Variants in KIAA1958 observed in about 807,000 individuals in gnomAD.
KIAA1958 encodes KIAA1958, also known as uncharacterized protein KIAA1958.
Under a neutral mutation model 47.2 loss-of-function variants are expected in KIAA1958, and 14 were observed. That is an observed-to-expected ratio of 0.30 (90% confidence interval 0.20 to 0.46). The LOEUF (loss-of-function observed/expected upper bound fraction) is 0.46, where lower values mean the gene tolerates loss of function less well. Ranked by LOEUF, KIAA1958 falls within the 20% of genes least tolerant of loss-of-function variation. The pLI, the probability that KIAA1958 is intolerant of heterozygous loss-of-function variation, is 1.00. For synonymous variants in KIAA1958, 354 were observed against 353.3 expected, an observed-to-expected ratio of 1.00 and a Z score of -0.02; for missense variants, 803 against 909.2, an observed-to-expected ratio of 0.88 and a Z score of 1.50.
At chr9:112,600,290 A>G (rs1430838909) in intron 2 of KIAA1958, among the ~76,000 whole-genome samples, 2 of 152,056 alleles carry the variant, frequency 1.3e-5, no homozygotes, top group Non-Finnish European at 2.9e-5. Flanking sequence ...CTAATGTTGC[A>G]TCTCCTCCAC....
intron 2 of KIAA1958, among the ~76,000 whole-genome samples, chr9:112,585,718 C>T (rs1835812803): frequency 6.6e-6 from 1 of 152,142 alleles, no homozygotes; most frequent in Admixed American, 6.5e-5. Context: ...AGTTAAAATA[C>T]AGAACTTGGT....
At chr9:112,544,572 AG>A (rs1312246626) in intron 1 of KIAA1958, among the ~76,000 whole-genome samples, 1 of 152,172 alleles carries the variant, frequency 6.6e-6, no homozygotes, top group Non-Finnish European at 1.5e-5. Context: ...GTGACTATTT[AG>A]GGGGCAGCCC....
intron 2 of KIAA1958, among the ~76,000 whole-genome samples, chr9:112,577,246 T>C (rs1835661635): frequency 6.6e-6 from 1 of 152,160 alleles, no homozygotes. Context: ...TATGAGATCC[T>C]TATCAGGTAT....
chr9:112,654,932 G>A (rs1367209170), intron 3 of KIAA1958, among the ~76,000 whole-genome samples: 1 of 152,134 alleles, frequency 6.6e-6, no homozygotes, highest in African/African-American at 2.4e-5. Flanking sequence ...GCATATGGAT[G>A]TGTGTGTATA....
Position 112,612,334 on chromosome 9 carries a change from G to A in KIAA1958, c.1172-33316G>A, listed in dbSNP as rs1052367139. Reference sequence around the variant, plus strand: ...TACGTTGGAGGATTGCTTGAACCCAGGAGGACAAGGCTGCAGTGAGCTGTG... The same window carrying A: ...TACGTTGGAGGATTGCTTGAACCCAAGAGGACAAGGCTGCAGTGAGCTGTG... On this transcript the variant is annotated intron_variant, in intron 2 of 3. Coordinates refer to ENST00000337530, the MANE Select transcript of KIAA1958 (RefSeq NM_133465.4). Among the ~76,000 whole-genome samples, 5 of 152,264 alleles carry A rather than the reference G, an allele frequency of 3.3e-5. No individual in the cohort carries two copies. In the East Asian group the frequency reaches 9.7e-4, roughly 29 times the overall value.
At chr9:112,596,353 TC>T (rs1301300186) in intron 2 of KIAA1958, among the ~76,000 whole-genome samples, 2 of 152,160 alleles carry the variant, frequency 1.3e-5, no homozygotes, top group Non-Finnish European at 2.9e-5. Flanking sequence ...ATTTTTAGTC[TC>T]TAGGATATAT....
intron 1 of KIAA1958, among the ~76,000 whole-genome samples, chr9:112,500,455 AT>A (rs201069638): frequency 0.011 from 1,482 of 139,292 alleles, 14 homozygotes; most frequent in African/African-American, 0.026. Context: ...AATATCATTA[AT>A]TTTTTTTTTT....
At chr9:112,659,163 C>G in intron 3 of KIAA1958, 100 bp from the exon 4 acceptor site, 1 of 958,804 alleles carries the variant, frequency 1.0e-6, no homozygotes, top group Non-Finnish European at 1.6e-6. Context: ...TAAGGGGTCA[C>G]AGAATGTCCT....
intron 1 of KIAA1958, among the ~76,000 whole-genome samples, chr9:112,569,889 G>A (rs1387969467): frequency 6.6e-6 from 1 of 152,134 alleles, no homozygotes; most frequent in Non-Finnish European, 1.5e-5. Context: ...TCCTCAAAGT[G>A]CTGGGATTAC....
intron 2 of KIAA1958, among the ~76,000 whole-genome samples, chr9:112,631,605 A>C (rs1253741479): frequency 6.6e-6 from 1 of 152,012 alleles, no homozygotes; most frequent in Non-Finnish European, 1.5e-5. Context: ...TGCTTTAAAA[A>C]TGCTAAGGCA....
chr9:112,528,886 G>A (rs978347985), intron 1 of KIAA1958, among the ~76,000 whole-genome samples: 2 of 152,192 alleles, frequency 1.3e-5, no homozygotes, highest in Non-Finnish European at 2.9e-5. Flanking sequence ...GATATAATCA[G>A]TGTTTGTAGA....
At chr9:112,656,491 C>T (rs191609798) in intron 3 of KIAA1958, among the ~76,000 whole-genome samples, 7 of 152,086 alleles carry the variant, frequency 4.6e-5, no homozygotes, top group Non-Finnish European at 7.4e-5. Flanking sequence ...GCCATGCCCT[C>T]GCTGTGGGTG....
intron 2 of KIAA1958, among the ~76,000 whole-genome samples, chr9:112,633,399 C>G (rs1836744483): frequency 6.6e-6 from 1 of 152,072 alleles, no homozygotes; most frequent in Non-Finnish European, 1.5e-5. Flanking sequence ...GTCTTCCCAT[C>G]TAGGTTCATG....
At chr9:112,625,498 G>A (rs1302411814) in intron 2 of KIAA1958, among the ~76,000 whole-genome samples, 1 of 152,044 alleles carries the variant, frequency 6.6e-6, no homozygotes, top group African/African-American at 2.4e-5. Context: ...GAGAAAGGAG[G>A]TGAATGCCCA....
At chr9:112,539,572 T>G (rs1834906753) in intron 1 of KIAA1958, among the ~76,000 whole-genome samples, 1 of 152,154 alleles carries the variant, frequency 6.6e-6, no homozygotes, top group South Asian at 2.1e-4. Context: ...GGAGGTTTCT[T>G]TTTAGGGTCA....
chr9:112,620,769 G>C (rs183452810), intron 2 of KIAA1958, among the ~76,000 whole-genome samples: 1 of 151,564 alleles, frequency 6.6e-6, no homozygotes, highest in East Asian at 1.9e-4. Flanking sequence ...GATCACATAT[G>C]TAAGTCATAG....
intron 2 of KIAA1958, among the ~76,000 whole-genome samples, chr9:112,614,806 C>T (rs1159359363): frequency 6.6e-6 from 1 of 152,176 alleles, no homozygotes; most frequent in Non-Finnish European, 1.5e-5. Flanking sequence ...ATGTGTCAGT[C>T]ATCTTTGTGT....
At chr9:112,637,277 T>C (rs1170174374) in intron 2 of KIAA1958, among the ~76,000 whole-genome samples, 1 of 152,232 alleles carries the variant, frequency 6.6e-6, no homozygotes, top group Non-Finnish European at 1.5e-5. Context: ...CTGCCATCTT[T>C]TTTCCTTTTG....
intron 1 of KIAA1958, among the ~76,000 whole-genome samples, chr9:112,541,804 CAA>C (rs1199266625): frequency 6.2e-5 from 9 of 145,234 alleles, no homozygotes; most frequent in Non-Finnish European, 1.1e-4. Flanking sequence ...GCCTCCGTCT[CAA>C]AAAAAAAAGA....
Sources: allele counts gnomAD v4.1 joint callset (sites outside exome capture counted in the v4.1 genomes callset), GRCh38; gene constraint gnomAD v4.1.1; transcripts MANE v1.5; gene names NCBI Gene and HGNC (gene_info 2026-07-23, HGNC 2026-07-21).